Variants in FAT1 observed in about 807,000 individuals in gnomAD.
FAT1 encodes FAT atypical cadherin 1.
FAT1 carries 171 observed loss-of-function variants against 329.8 expected under a neutral mutation model. The observed-to-expected ratio is 0.52, with a 90% CI of 0.46 to 0.59. The LOEUF is 0.59. Ranked by LOEUF, FAT1 falls within the 20% of genes least tolerant of loss-of-function variation. The probability of loss-of-function intolerance (pLI) is 0.00; values close to 1 mark genes in which losing one functional copy is unlikely to be tolerated. For synonymous variants in FAT1, 2,233 were observed against 2,228.6 expected, an observed-to-expected ratio of 1.00 and a Z score of -0.06; for missense variants, 5,672 against 5,774.4, an observed-to-expected ratio of 0.98 and a Z score of 0.57.
intron 3 of FAT1, among the ~76,000 whole-genome samples, chr4:186,650,765 T>A (rs114332380): frequency 6.6e-6 from 1 of 152,120 alleles, no homozygotes; most frequent in Non-Finnish European, 1.5e-5. Flanking sequence ...AGGTCAGAGA[T>A]TTAAGTAAAA....
chr4:186,678,981 T>C (rs1743071961), intron 2 of FAT1, among the ~76,000 whole-genome samples: 1 of 152,164 alleles, frequency 6.6e-6, no homozygotes, highest in South Asian at 2.1e-4. Flanking sequence ...AAAGAAAATG[T>C]GGTACACATA....
intron 9 of FAT1, among the ~76,000 whole-genome samples, chr4:186,627,487 C>T (rs1740369701): frequency 6.6e-6 from 1 of 152,186 alleles, no homozygotes; most frequent in Non-Finnish European, 1.5e-5. Flanking sequence ...CTCTTGGCCT[C>T]TGGGTCCCGG....
intron 3 of FAT1, among the ~76,000 whole-genome samples, chr4:186,657,185 A>G (rs745511422): frequency 2.6e-5 from 4 of 152,214 alleles, no homozygotes; most frequent in Non-Finnish European, 5.9e-5. Flanking sequence ...CTTGTACTCA[A>G]TGTTCACAGC....
At chr4:186,686,471 T>C (rs913945855) in intron 2 of FAT1, among the ~76,000 whole-genome samples, 5 of 152,198 alleles carry the variant, frequency 3.3e-5, no homozygotes, top group African/African-American at 9.7e-5. Flanking sequence ...TAAATCAATA[T>C]AGTAATCTCA....
chr4:186,628,742 T>G lies in FAT1; in HGVS notation c.4345A>C (p.Thr1449Pro). Residue 1449 changes from threonine (T) to proline (P), a missense_variant, in exon 8 of 27, where the codon ACA becomes CCA. By Grantham distance (38) the Thr-to-Pro change is conservative. Coordinates refer to ENST00000441802, the MANE Select transcript of FAT1 (RefSeq NM_005245.4). ...GAAAACTGAGGACGATGGTCATTTG[T>G]GTCTATTACTTTGATGAATACCTGT... is the stretch of plus-strand genomic sequence containing the variant. ...LTQVFIKVID[T>P]NDHRPQFSTS... 1 of 1,613,310 alleles carries G rather than the reference T, an allele frequency of 6.2e-7. No homozygotes were observed.
In FAT1 at chr4:186,606,083, CTG is replaced by C; in HGVS notation, c.10335_10336del (p.Tyr3445Ter). ...CTCGAAGCCCACCTGGATAATGACACTGTAGTTTCCCCTGGAGAAGACGGGCG... is the reference window on the plus strand; with the variant it reads ...CTCGAAGCCCACCTGGATAATGACACTAGTTTCCCCTGGAGAAGACGGGCG... On this transcript the variant is annotated stop_gained and frameshift_variant, in exon 17 of 27. Coordinates refer to ENST00000441802, the MANE Select transcript of FAT1 (RefSeq NM_005245.4). LOFTEE classifies it high-confidence loss of function. 1 of 1,613,142 alleles carries C rather than the reference CTG, an allele frequency of 6.2e-7. No homozygotes were observed. The highest frequency in any genetic ancestry group is 8.5e-7 in the Non-Finnish European group (1 of 1,179,814).
chr4:186,619,546 G>A lies in FAT1; in HGVS notation c.7040C>T (p.Thr2347Ile), dbSNP rs1739919594. ...SSTGLISLLRTLDYEQSRQHT... is the reference protein window; with the variant it reads ...SSTGLISLLRILDYEQSRQHT... ...CTGCCGGGACTGCTCGTAATCCAGG[G>A]TTCTGAGTAGTGAGATGAGGCCAGT... Residue 2347 changes from threonine to isoleucine, a missense_variant, in exon 10 of 27, where the codon ACC (threonine) becomes ATC (isoleucine). Transcript: ENST00000441802. 3 of 1,613,784 alleles carry A rather than the reference G, an allele frequency of 1.9e-6. No individual in the cohort carries two copies. The highest frequency in any genetic ancestry group is 1.7e-5 in the Admixed American group (1 of 60,004).
At chr4:186,684,067 T>G (rs1463912607) in intron 2 of FAT1, among the ~76,000 whole-genome samples, 1 of 152,172 alleles carries the variant, frequency 6.6e-6, no homozygotes, top group African/African-American at 2.4e-5. Flanking sequence ...AATTAACAGT[T>G]TAAATAGAAC....
At chr4:186,627,809 A>G (rs1240815585) in intron 9 of FAT1, among the ~76,000 whole-genome samples, 1 of 152,172 alleles carries the variant, frequency 6.6e-6, no homozygotes, top group African/African-American at 2.4e-5. Flanking sequence ...CAGCTTCCTA[A>G]GTGTGTTTAA....
intron 3 of FAT1, among the ~76,000 whole-genome samples, chr4:186,658,443 AC>A (rs1742018257): frequency 6.6e-6 from 1 of 152,194 alleles, no homozygotes; most frequent in African/African-American, 2.4e-5. Context: ...ATTTTGTTAC[AC>A]TATGACAAAA....
intron 26 of FAT1, among the ~76,000 whole-genome samples, chr4:186,594,560 A>C (rs115088956): frequency 4.7e-5 from 7 of 149,840 alleles, no homozygotes; most frequent in African/African-American, 1.7e-4. Context: ...AAGCAAAGCT[A>C]TGTCCATACA....
intron 2 of FAT1, among the ~76,000 whole-genome samples, chr4:186,678,565 TATTGTC>T (rs1454244199): frequency 2.6e-4 from 39 of 148,836 alleles, no homozygotes; most frequent in African/African-American, 9.5e-4. Context: ...ATATTACATA[TATTGTC>T]ATTAATATCA....
intron 14 of FAT1, 88 bp downstream of exon 14, chr4:186,611,298 G>T: frequency 8.3e-7 from 1 of 1,202,284 alleles, no homozygotes; most frequent in Non-Finnish European, 1.2e-6. Context: ...TGACAACACA[G>T]GGTCACTTAA....
At chr4:186,713,843 C>T (rs1315646009) in intron 1 of FAT1, among the ~76,000 whole-genome samples, 2 of 152,054 alleles carry the variant, frequency 1.3e-5, no homozygotes, top group Non-Finnish European at 2.9e-5. Context: ...ACCACCAGCA[C>T]GCCTGGCTCA....
At chr4:186,715,080 A>T (rs908949726) in intron 1 of FAT1, among the ~76,000 whole-genome samples, 1 of 129,814 alleles carries the variant, frequency 7.7e-6, no homozygotes, top group African/African-American at 4.0e-5. Flanking sequence ...TCTGTCTCAA[A>T]AACAAAAAAA....
chr4:186,620,915 G>T lies in FAT1; in HGVS notation c.5671C>A (p.Pro1891Thr), dbSNP rs185078412. 5.1e-5 allele frequency: 82 copies of T among 1,613,994 alleles called. 1 individual carries two copies. In the African/African-American group the frequency reaches 8.8e-4, roughly 17 times the overall value. ...ATGACTTTTACTCCTTTGTATGTTG[G>T]TAACAAAAGAGATGCTTCATATAAT... Reference protein sequence around the residue: ...KPLYEASLLLPTYKGVKVITV... With the variant: ...KPLYEASLLLTTYKGVKVITV... Residue 1891 changes from proline to threonine, a missense_variant, in exon 10 of 27, where the codon CCA (proline) becomes ACA (threonine). Around this residue, in one of 2 missense-constraint regions of FAT1, gnomAD observed 3,966 missense variants for 3,915.2 expected, o/e 1.01. Transcript: ENST00000441802.
At chr4:186,645,949 A>AAAAG (rs1741353914) in intron 3 of FAT1, among the ~76,000 whole-genome samples, 1 of 108,154 alleles carries the variant, frequency 9.2e-6, no homozygotes, top group African/African-American at 4.0e-5. Context: ...GTCTCACAAA[A>AAAAG]AAAAAAAAAA....
chr4:186,600,393 C>A (rs185509123), intron 21 of FAT1, 33 bp from the exon 22 acceptor site: 439 of 1,542,228 alleles, frequency 2.8e-4, no homozygotes, highest in Non-Finnish European at 3.1e-4. Context: ...TCACATTACT[C>A]TCATAGAACC....
At chr4:186,594,259 G>A (rs1033274149) in intron 26 of FAT1, among the ~76,000 whole-genome samples, 10 of 151,846 alleles carry the variant, frequency 6.6e-5, no homozygotes, top group African/African-American at 2.2e-4. Context: ...AGTAGAGACG[G>A]GGTTTCACTG....
Sources: allele counts gnomAD v4.1 joint callset (sites outside exome capture counted in the v4.1 genomes callset), GRCh38; gene constraint gnomAD v4.1.1; regional missense constraint gnomAD v4.1.1; transcripts MANE v1.5; gene names NCBI Gene and HGNC (gene_info 2026-07-23, HGNC 2026-07-21).